The following TSHR variants were observed in gnomAD, a reference collection of about 807,000 sequenced individuals.
TSHR encodes the protein thyrotropin receptor.
In TSHR, 51 loss-of-function variants were observed where a neutral mutation model predicts 64.1. The ratio of observed to expected loss-of-function variants is 0.80; its 90% CI spans 0.64 to 1.01. TSHR has a LOEUF of 1.01. Among genes scored for constraint, TSHR ranks in the 50% least tolerant of loss-of-function variants. TSHR has a pLI of 0.00. For synonymous variants in TSHR, 361 were observed against 361.9 expected (o/e 1.00, Z 0.03); for missense variants, 877 against 942.8 (o/e 0.93, Z 0.91).
chr14:81,060,036 A>G (rs180882405), intron 1 of TSHR, among the ~76,000 whole-genome samples: 70 of 152,204 alleles, frequency 4.6e-4, no homozygotes, highest in African/African-American at 1.7e-3. Flanking sequence ...TTCCAGGTTA[A>G]TTTCTTAGAA....
intron 3 of TSHR, among the ~76,000 whole-genome samples, chr14:81,078,413 G>T (rs1239557464): frequency 6.6e-6 from 1 of 151,996 alleles, no homozygotes; most frequent in Non-Finnish European, 1.5e-5. Flanking sequence ...TAAGTAATGT[G>T]TTTTTTCCCC....
At chr14:81,036,921 T>C (rs1031320386) in intron 1 of TSHR, among the ~76,000 whole-genome samples, 1 of 152,236 alleles carries the variant, frequency 6.6e-6, no homozygotes, top group Middle Eastern at 3.4e-3. Context: ...GGTGGGTGGA[T>C]CACCTGAGGT....
chr14:81,137,149 C>G (rs1479353402), intron 8 of TSHR, among the ~76,000 whole-genome samples: 1 of 152,174 alleles, frequency 6.6e-6, no homozygotes, highest in Non-Finnish European at 1.5e-5. Flanking sequence ...AGATTCCCAG[C>G]CTCCACAAAC....
At chr14:81,076,463 C>T (rs1887510441) in intron 3 of TSHR, among the ~76,000 whole-genome samples, 1 of 152,108 alleles carries the variant, frequency 6.6e-6, no homozygotes, top group Non-Finnish European at 1.5e-5. Context: ...TCTACTTGAC[C>T]TCTCTTCCCA....
chr14:81,040,874 C>T (rs10139317), intron 1 of TSHR, among the ~76,000 whole-genome samples: 9,153 of 152,058 alleles, frequency 0.06, 928 homozygotes, highest in African/African-American at 0.21. Context: ...AAACACTTCT[C>T]AAAATAAGAT....
chr14:81,081,892 AC>A (rs1305883205), intron 3 of TSHR, among the ~76,000 whole-genome samples: 1 of 152,150 alleles, frequency 6.6e-6, no homozygotes, highest in Admixed American at 6.5e-5. Context: ...TCCCACTCTA[AC>A]CACTTGAGTG....
At chr14:80,977,579 A>C (rs1887944296) in intron 1 of TSHR, among the ~76,000 whole-genome samples, 2 of 152,286 alleles carry the variant, frequency 1.3e-5, no homozygotes, top group East Asian at 3.9e-4. Flanking sequence ...AGAGTACTGT[A>C]TTTTGATTCT....
At chr14:81,114,095 T>C (rs2140045540) in intron 8 of TSHR, among the ~76,000 whole-genome samples, 1 of 145,624 alleles carries the variant, frequency 6.9e-6, no homozygotes, top group East Asian at 2.0e-4. Context: ...AAGTAAGAGA[T>C]GAGAGTACTG....
At chr14:81,100,129 TC>T (rs1347351390) in intron 7 of TSHR, among the ~76,000 whole-genome samples, 4 of 152,218 alleles carry the variant, frequency 2.6e-5, no homozygotes, top group Non-Finnish European at 5.9e-5. Context: ...CAACTCTCTT[TC>T]CATAGTAAAT....
Position 80,981,011 on chromosome 14 carries a change from A to C in TSHR, c.170+25161A>C, listed in dbSNP as rs185480683. ...TTTTAAAAAAACTTATTTTATAATC[A>C]CTTTGAAATCATTCTATTCTCTGTA... On this transcript the variant is annotated intron_variant, in intron 1 of 9. Transcript: ENST00000298171. 3.3e-4 allele frequency among the ~76,000 whole-genome samples: 50 copies of C among 151,174 alleles called. 1 individual carries two copies. The highest frequency in any genetic ancestry group is 1.2e-3 in the African/African-American group (48 of 41,270).
intron 8 of TSHR, among the ~76,000 whole-genome samples, chr14:81,134,090 T>G (rs1396656523): frequency 6.6e-6 from 1 of 152,190 alleles, no homozygotes; most frequent in African/African-American, 2.4e-5. Flanking sequence ...CAAAGGGGTA[T>G]GCTTTCTCAA....
intron 1 of TSHR, among the ~76,000 whole-genome samples, chr14:81,002,783 T>TAACTGCCAGTTTAAAAGACTGC (rs1566757847): frequency 8.0e-5 from 1 of 12,576 alleles, no homozygotes; most frequent in Admixed American, 1.5e-3. Context: ...TAATGCCTCT[T>TAACTGCCAGTTTAAAAGACTGC]TTTTTTTTTT....
At chr14:81,054,049 G>A (rs1245540457) in intron 1 of TSHR, among the ~76,000 whole-genome samples, 1 of 152,196 alleles carries the variant, frequency 6.6e-6, no homozygotes, top group Non-Finnish European at 1.5e-5. Context: ...TAGTTTGACT[G>A]TGTCCCCACT....
In TSHR at chr14:81,103,378, T is replaced by C. The variant is rs1012904358; in HGVS notation, c.615-4997T>C. On this transcript the variant is annotated intron_variant, in intron 7 of 9. Transcript: ENST00000298171. The surrounding 1 kb of genome is among the most constrained non-coding windows in gnomAD (Gnocchi z 4.1). ...GTCCAGGTATCATTAGGTTCTCATT[T>C]AAACAATGTGTCATCCAAAAGAGCA... 1.0e-6 allele frequency: 1 copy of C among 985,366 alleles called. No individual in the cohort carries two copies. The highest frequency in any genetic ancestry group is 6.1e-5 in the Admixed American group (1 of 16,268). The allele number at this position is 985,366 out of a possible 1,614,324, so 61.0% of individuals were successfully genotyped here.
chr14:81,130,075 G>A (rs1891175351), intron 8 of TSHR, among the ~76,000 whole-genome samples: 1 of 152,012 alleles, frequency 6.6e-6, no homozygotes, highest in Non-Finnish European at 1.5e-5. Context: ...TGCCTTTCTT[G>A]GAAAACTGAT....
intron 8 of TSHR, among the ~76,000 whole-genome samples, chr14:81,119,430 G>C (rs1344329323): frequency 7.0e-6 from 1 of 142,330 alleles, no homozygotes; most frequent in Non-Finnish European, 1.5e-5. Context: ...ATGAAAAAAT[G>C]TTCATCATCA....
intron 7 of TSHR, among the ~76,000 whole-genome samples, chr14:81,107,667 C>T (rs1403051901): frequency 6.6e-6 from 1 of 152,090 alleles, no homozygotes; most frequent in African/African-American, 2.4e-5. Context: ...GATGAGATTA[C>T]TCTGTAATCT....
At chr14:81,002,774 A>C in intron 1 of TSHR, among the ~76,000 whole-genome samples, 1 of 87,284 alleles carries the variant, frequency 1.1e-5, no homozygotes, top group Admixed American at 1.5e-4. Flanking sequence ...TAAGGTCCCT[A>C]ATGCCTCTTT....
At chr14:80,998,345 G>A (rs376570923) in intron 1 of TSHR, among the ~76,000 whole-genome samples, 28 of 152,136 alleles carry the variant, frequency 1.8e-4, no homozygotes, top group Admixed American at 4.6e-4. Context: ...GCTGGAAATC[G>A]AATGCTGAAC....
Sources: allele counts gnomAD v4.1 joint callset (sites outside exome capture counted in the v4.1 genomes callset), GRCh38; gene constraint gnomAD v4.1.1; non-coding constraint Gnocchi (gnomAD v3.1); transcripts MANE v1.5; gene names NCBI Gene and HGNC (gene_info 2026-07-23, HGNC 2026-07-21).